NAALADL2: variants seen among roughly 807,000 people sequenced by gnomAD.
NAALADL2 encodes the protein inactive N-acetylated-alpha-linked acidic dipeptidase-like protein 2.
Under a neutral mutation model 87.2 loss-of-function variants are expected in NAALADL2, and 76 were observed. That is an observed-to-expected ratio of 0.87 (90% confidence interval 0.72 to 1.05). The LOEUF (loss-of-function observed/expected upper bound fraction) is 1.05. NAALADL2 is among the 50% of genes least tolerant of loss of function. The pLI is 0.00. For missense variants in NAALADL2, 1,089 were observed against 945.8 expected (o/e 1.15, Z -1.99); for synonymous variants, 354 against 331.0 (o/e 1.07, Z -0.75).
At chr3:175,231,701 A>G (rs1400464305) in intron 2 of NAALADL2, among the ~76,000 whole-genome samples, 1 of 152,122 alleles carries the variant, frequency 6.6e-6, no homozygotes, top group African/African-American at 2.4e-5. Flanking sequence ...AGAGGAGCAA[A>G]CAAAATATAA....
At chr3:175,116,734 C>CAA (rs781074709) in intron 2 of NAALADL2, among the ~76,000 whole-genome samples, 9,524 of 150,776 alleles carry the variant, frequency 0.063, 911 homozygotes, top group African/African-American at 0.2. Flanking sequence ...AAAAACAAAA[C>CAA]CACAACAACA....
intron 6 of NAALADL2, among the ~76,000 whole-genome samples, chr3:175,458,260 A>G (rs1234121619): frequency 6.6e-6 from 1 of 152,030 alleles, no homozygotes; most frequent in Non-Finnish European, 1.5e-5. Flanking sequence ...CTACTCAGTG[A>G]GCAAAACTAG....
chr3:174,966,328 T>C (rs939529405), intron 1 of NAALADL2, among the ~76,000 whole-genome samples: 5 of 152,274 alleles, frequency 3.3e-5, no homozygotes, highest in Non-Finnish European at 2.9e-5. Flanking sequence ...ATATTTTCCA[T>C]GGTGCATTCA....
chr3:175,752,246 G>A (rs1023286612), intron 12 of NAALADL2, among the ~76,000 whole-genome samples: 1 of 152,020 alleles, frequency 6.6e-6, no homozygotes, highest in Non-Finnish European at 1.5e-5. Context: ...GGGCAGATAA[G>A]GATCAAAATA....
At chr3:175,787,417 C>T (rs937277612) in intron 13 of NAALADL2, among the ~76,000 whole-genome samples, 8 of 152,128 alleles carry the variant, frequency 5.3e-5, no homozygotes, top group Admixed American at 2.6e-4. Context: ...TCTTGTGGTG[C>T]GCCGTTTTTT....
At chr3:175,416,694 C>G (rs941914393) in intron 5 of NAALADL2, among the ~76,000 whole-genome samples, 1 of 152,074 alleles carries the variant, frequency 6.6e-6, no homozygotes, top group Admixed American at 6.6e-5. Context: ...GTTTTTGTCA[C>G]TAGCGTGTAA....
chr3:175,650,562 T>C (rs1272635717), intron 11 of NAALADL2, among the ~76,000 whole-genome samples: 1 of 152,144 alleles, frequency 6.6e-6, no homozygotes, highest in East Asian at 1.9e-4. Flanking sequence ...CCTGCATCAT[T>C]TCAGTACTAT....
chr3:175,549,525 T>C (rs1582357344), intron 9 of NAALADL2, among the ~76,000 whole-genome samples: 1 of 151,956 alleles, frequency 6.6e-6, no homozygotes, highest in Non-Finnish European at 1.5e-5. Context: ...ACTCTTATCA[T>C]GGCTCCATGA....
In NAALADL2 at chr3:175,809,325, A is replaced by T. The variant is rs2108389311; in HGVS notation, c.*6122A>T. 6.6e-6 allele frequency: 1 copy of T among 151,968 alleles called. No homozygotes were observed. The highest frequency in any genetic ancestry group is 2.1e-4 in the South Asian group (1 of 4,824). 9.4% of individuals were successfully genotyped at this position (151,968 alleles called of 1,614,324 possible). On this transcript the variant is annotated 3_prime_UTR_variant, in exon 14 of 14. Coordinates refer to ENST00000454872, the MANE Select transcript of NAALADL2 (RefSeq NM_207015.3). ...CATCTGAGATAGGTCTATATTAGGC[A>T]ATTTCATGTTTACATTTCTAACAGA... is the stretch of plus-strand genomic sequence containing the variant.
rs559903111 is a variant in NAALADL2, at chr3:174,880,204, A to C, written c.43+20754A>C. Among the ~76,000 whole-genome samples the C allele has an allele frequency of 1.7e-3, 263 of 152,160 alleles. 3 individuals carry two copies. The highest frequency in any genetic ancestry group is 6.1e-3 in the African/African-American group (255 of 41,554). On this transcript the variant is annotated intron_variant, in intron 1 of 13. Transcript: ENST00000454872. ...GAGTCCTATGGCCAATTATGTACTC[A>C]ACGTATCTACCTGGGTATGATTAAA...
rs567768576 is a variant in NAALADL2 at position 174,891,346 on chromosome 3, A to G, written c.43+31896A>G. Among the ~76,000 whole-genome samples, 38 of 152,030 alleles carry G rather than the reference A, an allele frequency of 2.5e-4. No individual in the cohort carries two copies. The South Asian group carries it at 6.5e-3, about 26-fold the overall frequency. ...AGAGAAACACCTTATACGAACCCCA[A>G]ATCATGTGAGCACTCACAGTACCTG... On this transcript the variant is annotated intron_variant, in intron 1 of 13. Coordinates refer to ENST00000454872, the MANE Select transcript of NAALADL2 (RefSeq NM_207015.3).
At chr3:175,685,041 T>G (rs1040657978) in intron 11 of NAALADL2, among the ~76,000 whole-genome samples, 1 of 152,202 alleles carries the variant, frequency 6.6e-6, no homozygotes, top group Non-Finnish European at 1.5e-5. Flanking sequence ...TAAAATTTAG[T>G]GCAGAATTCT....
At chr3:175,039,572 A>G (rs955049500) in intron 1 of NAALADL2, among the ~76,000 whole-genome samples, 5 of 152,144 alleles carry the variant, frequency 3.3e-5, no homozygotes, top group East Asian at 1.9e-4. Flanking sequence ...TTCGTAGTTG[A>G]TCATCATGAA....
At chr3:175,311,192 A>C (rs1025871304) in intron 4 of NAALADL2, among the ~76,000 whole-genome samples, 1 of 148,854 alleles carries the variant, frequency 6.7e-6, no homozygotes, top group Non-Finnish European at 1.5e-5. Flanking sequence ...TCTGGTCCCC[A>C]CTCTGGAACT....
In NAALADL2 at chr3:174,623,594, T is replaced by C. The variant is rs1011477360; in HGVS notation, c.-115+72957T>C. On this transcript the variant is annotated intron_variant, in intron 2 of 3. Transcript: ENST00000434257. ...TATAAATATTTAAATAAATGGTGCG[T>C]CTGTGAGATTTTTTTCCAATTGTTG... 4.6e-5 allele frequency among the ~76,000 whole-genome samples: 7 copies of C among 151,844 alleles called. No individual in the cohort carries two copies. The South Asian group carries it at 1.5e-3, about 31-fold the overall frequency.
chr3:175,750,082 A>G (rs1445136163), intron 12 of NAALADL2, among the ~76,000 whole-genome samples: 4 of 152,198 alleles, frequency 2.6e-5, no homozygotes, highest in African/African-American at 9.7e-5. Flanking sequence ...CTGTGGATTA[A>G]GTCCAATTTA....
intron 3 of NAALADL2, among the ~76,000 whole-genome samples, chr3:174,818,988 C>T (rs926800057): frequency 1.3e-5 from 2 of 150,110 alleles, no homozygotes; most frequent in African/African-American, 4.9e-5. Flanking sequence ...AAAAAAGTGC[C>T]ACTGAGTTAA....
At chr3:175,440,106 C>T (rs1719481999) in intron 5 of NAALADL2, among the ~76,000 whole-genome samples, 1 of 152,182 alleles carries the variant, frequency 6.6e-6, no homozygotes, top group Non-Finnish European at 1.5e-5. Context: ...CTACATGTGG[C>T]TTGCCACTTA....
At chr3:174,621,232 G>C (rs1265310961) in intron 2 of NAALADL2, among the ~76,000 whole-genome samples, 1 of 151,920 alleles carries the variant, frequency 6.6e-6, no homozygotes, top group Non-Finnish European at 1.5e-5. Context: ...TGTTTCCCTA[G>C]CTACTTTTTT....
Sources: allele counts gnomAD v4.1 joint callset (sites outside exome capture counted in the v4.1 genomes callset), GRCh38; gene constraint gnomAD v4.1.1; transcripts MANE v1.5; gene names NCBI Gene and HGNC (gene_info 2026-07-23, HGNC 2026-07-21).